Variants in ADGRB3 observed in about 807,000 individuals in gnomAD.
ADGRB3 encodes brain-specific angiogenesis inhibitor 3.
ADGRB3 carries 37 observed loss-of-function variants against 193.4 expected under a neutral mutation model. That is an observed-to-expected ratio of 0.19 (90% CI 0.15 to 0.25). The LOEUF (loss-of-function observed/expected upper bound fraction) is 0.25, where lower values mean the gene tolerates loss of function less well. Ranked by LOEUF, ADGRB3 falls within the 10% of genes least tolerant of loss-of-function variation. The pLI, the probability that ADGRB3 is intolerant of heterozygous loss-of-function variation, is 1.00. For missense variants in ADGRB3, 1,637 were observed against 1,852.9 expected (o/e 0.88, Z 2.14); for synonymous variants, 690 against 644.2 (o/e 1.07, Z -1.08).
chr6:69,179,964 G>T (rs1440783528), intron 17 of ADGRB3, among the ~76,000 whole-genome samples: 1 of 152,148 alleles, frequency 6.6e-6, no homozygotes, highest in Non-Finnish European at 1.5e-5. Context: ...TCAGCTTCTG[G>T]GTGCAGGAGC....
chr6:69,372,506 TA>T (rs1350926110), intron 30 of ADGRB3, 65 bp downstream of exon 30: 1 of 823,632 alleles, frequency 1.2e-6, no homozygotes, highest in East Asian at 3.3e-5. Context: ...TATAGTTACT[TA>T]AAAATTATTA....
intron 17 of ADGRB3, among the ~76,000 whole-genome samples, chr6:69,147,518 A>G (rs1774538316): frequency 6.6e-6 from 1 of 152,092 alleles, no homozygotes; most frequent in Non-Finnish European, 1.5e-5. Context: ...ACTTCATATG[A>G]TTTAATTTTT....
At chr6:68,928,045 A>G (rs1015605322) in intron 3 of ADGRB3, among the ~76,000 whole-genome samples, 1 of 151,036 alleles carries the variant, frequency 6.6e-6, no homozygotes, top group Non-Finnish European at 1.5e-5. Context: ...ACGGTGTAGG[A>G]TATTGAAATT....
intron 3 of ADGRB3, among the ~76,000 whole-genome samples, chr6:68,726,035 AT>A: frequency 6.6e-6 from 1 of 151,646 alleles, no homozygotes; most frequent in East Asian, 2.0e-4. Context: ...TAATAATATT[AT>A]TGGCTATAAA....
At chr6:68,840,704 CAAACA>C (rs907613181) in intron 3 of ADGRB3, among the ~76,000 whole-genome samples, 13 of 152,040 alleles carry the variant, frequency 8.6e-5, no homozygotes, top group African/African-American at 2.4e-4. Flanking sequence ...AACAAACAAA[CAAACA>C]AAACAGAAAT....
intron 15 of ADGRB3, among the ~76,000 whole-genome samples, chr6:69,060,348 AAC>A (rs1771712776): frequency 6.6e-6 from 1 of 151,528 alleles, no homozygotes; most frequent in African/African-American, 2.4e-5. Context: ...TGATGAACCT[AAC>A]ACAGTGTAAT....
intron 3 of ADGRB3, among the ~76,000 whole-genome samples, chr6:68,813,971 G>A (rs1767573024): frequency 1.3e-5 from 2 of 152,126 alleles, no homozygotes; most frequent in South Asian, 2.1e-4. Context: ...GGACATTTGG[G>A]TTCATTCTAA....
At chr6:69,355,951 C>G in intron 28 of ADGRB3, 91 bp downstream of exon 28, 3 of 1,118,696 alleles carry the variant, frequency 2.7e-6, no homozygotes, top group Non-Finnish European at 2.6e-6. Context: ...GTGGTTTACA[C>G]ATTACATATT....
chr6:69,036,819 C>T (rs1473458431), intron 13 of ADGRB3, among the ~76,000 whole-genome samples: 2 of 152,182 alleles, frequency 1.3e-5, no homozygotes, highest in African/African-American at 4.8e-5. Flanking sequence ...AGAGCCAAGC[C>T]ATGCAGAGCT....
chr6:69,039,905 C>A (rs1364684507), intron 13 of ADGRB3, among the ~76,000 whole-genome samples: 2 of 151,810 alleles, frequency 1.3e-5, no homozygotes, highest in Non-Finnish European at 2.9e-5. Flanking sequence ...CCACACCCAG[C>A]TAATTTTTGT....
At chr6:68,920,935 A>G (rs1034430649) in intron 3 of ADGRB3, among the ~76,000 whole-genome samples, 6 of 152,232 alleles carry the variant, frequency 3.9e-5, no homozygotes, top group Admixed American at 6.5e-5. Flanking sequence ...GGAAAAGCCT[A>G]TAGATGCTGA....
chr6:68,953,391 C>A (rs1767985549), intron 6 of ADGRB3, among the ~76,000 whole-genome samples: 1 of 152,112 alleles, frequency 6.6e-6, no homozygotes, highest in African/African-American at 2.4e-5. Flanking sequence ...ACTGTACATC[C>A]TTTTGCCAAA....
intron 15 of ADGRB3, among the ~76,000 whole-genome samples, chr6:69,061,443 G>T (rs1157435505): frequency 6.6e-6 from 1 of 151,898 alleles, no homozygotes; most frequent in Admixed American, 6.6e-5. Context: ...GACTTAAATG[G>T]TACAATCACT....
At chr6:69,065,760 TATATAC>T (rs767212832) in intron 16 of ADGRB3, among the ~76,000 whole-genome samples, 9,550 of 118,094 alleles carry the variant, frequency 0.081, 431 homozygotes, top group Middle Eastern at 0.22. Flanking sequence ...TTCATGTATA[TATATAC>T]ACACACACAC....
chr6:68,946,821 C>T (rs141663738), intron 6 of ADGRB3, among the ~76,000 whole-genome samples: 1 of 152,016 alleles, frequency 6.6e-6, no homozygotes, highest in Admixed American at 6.6e-5. Context: ...TGCATGAAAC[C>T]ACTCTAGCGA....
intron 1 of ADGRB3, among the ~76,000 whole-genome samples, chr6:68,636,519 C>T (rs1767959223): frequency 6.6e-6 from 1 of 151,976 alleles, no homozygotes; most frequent in Non-Finnish European, 1.5e-5. Context: ...TTGCCCCCGC[C>T]CCCACCCCTT....
intron 3 of ADGRB3, among the ~76,000 whole-genome samples, chr6:68,815,638 T>TGTGTGTGTGTGTGGGTGG (rs146536913): frequency 2.5e-4 from 38 of 149,518 alleles, no homozygotes; most frequent in Admixed American, 4.7e-4. Context: ...TGTGTGTGTG[T>TGTGTGTGTGTGTGGGTGG]GTGCATGTAG....
At chr6:68,781,008 T>C (rs1766842336) in intron 3 of ADGRB3, among the ~76,000 whole-genome samples, 1 of 152,188 alleles carries the variant, frequency 6.6e-6, no homozygotes, top group African/African-American at 2.4e-5. Flanking sequence ...GAAAATTGGA[T>C]GTCTTAAGCG....
chr6:68,863,622 A>T (rs1765215924), intron 3 of ADGRB3, among the ~76,000 whole-genome samples: 1 of 152,144 alleles, frequency 6.6e-6, no homozygotes, highest in African/African-American at 2.4e-5. Context: ...AGTACATAAA[A>T]GGCATTTATT....
Sources: gnomAD v4.1 joint callset for allele counts (sites outside exome capture counted in the v4.1 genomes callset) on GRCh38, gnomAD v4.1.1 for gene constraint, MANE v1.5 for transcripts, NCBI Gene and HGNC (gene_info 2026-07-23, HGNC 2026-07-21) for gene names.